Variants in NHERF2 observed in about 807,000 individuals in gnomAD.
The protein encoded by NHERF2 is Na(+)/H(+) exchange regulatory cofactor NHE-RF2.
At chr16:2,037,788 GC>G in the NHERF2 span, 1 of 1,557,756 alleles carries the variant, frequency 6.4e-7, no homozygotes, top group African/African-American at 1.4e-5. Flanking sequence ...TGGGACTAGG[GC>G]TCACTCCAGA....
the NHERF2 span, chr16:2,038,266 AGCGAGCGCGCGGCAGCCGCGGG>A: frequency 1.8e-6 from 1 of 560,648 alleles, no homozygotes; most frequent in South Asian, 1.9e-5. Flanking sequence ...AGAGAGAGCG[AGCGAGCGCGCGGCAGCCGCGGG>A]GCGAGGGCCT....
the NHERF2 span, chr16:2,036,301 G>C: frequency 6.3e-7 from 1 of 1,590,566 alleles, no homozygotes; most frequent in African/African-American, 1.3e-5. Flanking sequence ...GCAAGAGACT[G>C]ACCCTGTCCG....
chr16:2,033,578 CGT>C, the NHERF2 span: 1 of 880,948 alleles, frequency 1.1e-6, no homozygotes, highest in Non-Finnish European at 1.7e-6. Context: ...AGGGCTGGTG[CGT>C]CACCATCTGG....
At chr16:2,037,125 C>T in the NHERF2 span, 4 of 1,177,488 alleles carry the variant, frequency 3.4e-6, no homozygotes, top group Admixed American at 2.1e-5. Flanking sequence ...AGCCCTGTCA[C>T]CTCCCTTTAA....
At chr16:2,037,712 G>A in the NHERF2 span, 10 of 1,552,868 alleles carry the variant, frequency 6.4e-6, no homozygotes, top group African/African-American at 5.5e-5. Context: ...GGAAGTCCTC[G>A]TGAGCCCCAG....
At chr16:2,029,617 T>A in the NHERF2 span, 1 of 1,579,596 alleles carries the variant, frequency 6.3e-7, no homozygotes, top group Non-Finnish European at 8.6e-7. Flanking sequence ...AGGGGCAGAC[T>A]CGGCTGCTGG....
the NHERF2 span, chr16:2,033,309 C>A: frequency 1.3e-6 from 2 of 1,532,850 alleles, no homozygotes; most frequent in East Asian, 2.4e-5. Flanking sequence ...GTTCAGGCCA[C>A]CCCGGCCGGA....
the NHERF2 span, chr16:2,037,621 T>C: frequency 4.1e-5 from 66 of 1,610,316 alleles, no homozygotes; most frequent in Non-Finnish European, 5.3e-5. Flanking sequence ...TCTCCACTCC[T>C]GAGCTCACAC....
At chr16:2,035,294 C>T in the NHERF2 span, 42,340 of 619,598 alleles carry the variant, frequency 0.068, 1,959 homozygotes, top group African/African-American at 0.18. Flanking sequence ...GGGTTTGGAG[C>T]GAGCTTGAAG....
At chr16:2,036,483 G>A in the NHERF2 span, 337 of 1,594,726 alleles carry the variant, frequency 2.1e-4, no homozygotes, top group Middle Eastern at 5.0e-4. Flanking sequence ...TGGCCTCCGC[G>A]CCCAGGACCG....
At chr16:2,037,484 G>A in the NHERF2 span, 158 of 1,407,956 alleles carry the variant, frequency 1.1e-4, no homozygotes, top group East Asian at 7.4e-4. Flanking sequence ...ACATGTGTGC[G>A]TGTGCAGGTG....
the NHERF2 span, chr16:2,033,438 G>A: frequency 1.3e-6 from 2 of 1,521,548 alleles, no homozygotes; most frequent in South Asian, 1.2e-5. Context: ...TACAGGTCAG[G>A]TGGGGTGGGA....
At chr16:2,037,715 A>G in the NHERF2 span, 3 of 1,550,972 alleles carry the variant, frequency 1.9e-6, no homozygotes, top group Non-Finnish European at 2.6e-6. Flanking sequence ...AGTCCTCGTG[A>G]GCCCCAGCCC....
the NHERF2 span, among the ~76,000 whole-genome samples, chr16:2,030,200 A>G: frequency 1.3e-5 from 2 of 152,196 alleles, no homozygotes; most frequent in Admixed American, 6.5e-5. Context: ...AGGCGCCTGC[A>G]TGCTGGGAAG....
the NHERF2 span, chr16:2,035,501 C>A: frequency 1.0e-6 from 1 of 986,390 alleles, no homozygotes; most frequent in East Asian, 1.1e-4. Flanking sequence ...TGCGCACGCC[C>A]TCAAGCTTGG....
At chr16:2,027,838 T>A in the NHERF2 span, among the ~76,000 whole-genome samples, 2 of 152,066 alleles carry the variant, frequency 1.3e-5, no homozygotes, top group Non-Finnish European at 2.9e-5. Context: ...GGCCGGTGAG[T>A]CTTTGTGTCT....
At chr16:2,037,050 G>A in the NHERF2 span, 2 of 1,533,896 alleles carry the variant, frequency 1.3e-6, no homozygotes, top group Admixed American at 3.9e-5. Flanking sequence ...GGGTACCCAG[G>A]CCCGACAGAG....
chr16:2,029,773 T>G, the NHERF2 span: 1 of 1,542,076 alleles, frequency 6.5e-7, no homozygotes, highest in Admixed American at 2.0e-5. Flanking sequence ...GCTCCGAAGC[T>G]GGCAAGAAGG....
the NHERF2 span, chr16:2,037,459 G>C: frequency 8.1e-7 from 1 of 1,241,530 alleles, no homozygotes. Flanking sequence ...ACTGGGGGGG[G>C]GTGTGCCTCT....
Sources: allele counts gnomAD v4.1 joint callset (sites outside exome capture counted in the v4.1 genomes callset), GRCh38; gene constraint gnomAD v4.1.1; transcripts MANE v1.5; gene names NCBI Gene and HGNC (gene_info 2026-07-23, HGNC 2026-07-21).